Variants in TMEM131 observed in about 807,000 individuals in gnomAD.
TMEM131 encodes the protein transmembrane protein 131, also known as 2610524E03Rik.
In TMEM131, 66 loss-of-function variants were observed where a neutral mutation model predicts 211.6. The observed-to-expected ratio is 0.31, with a 90% CI of 0.26 to 0.38. The LOEUF (loss-of-function observed/expected upper bound fraction) is 0.38, where lower values mean the gene tolerates loss of function less well. TMEM131 is among the 10% of genes least tolerant of loss of function. TMEM131 has a pLI of 1.00. For synonymous variants in TMEM131, 844 were observed against 841.3 expected, an observed-to-expected ratio of 1.00 and a Z score of -0.06; for missense variants, 2,036 against 2,299.3, an observed-to-expected ratio of 0.89 and a Z score of 2.34.
rs1186318415 is a variant in TMEM131, at chr2:97,756,547, C to CTTAAG, written c.*547_*551dup. 6.6e-6 allele frequency: 1 copy of CTTAAG among 152,234 alleles called. No homozygotes were observed. Among genetic ancestry groups the CTTAAG allele is most frequent in the Non-Finnish European group, 1.5e-5 (1 of 68,070 alleles). 9.4% of individuals were successfully genotyped at this position (152,234 alleles called of 1,614,324 possible). ...AATGTTTTTACATTCATTCACCGTTCTTAAGTTGACTTACATTTCTGTAAT... is the reference window on the plus strand; with the variant it reads ...AATGTTTTTACATTCATTCACCGTTCTTAAGTTAAGTTGACTTACATTTCTGTAAT... On this transcript the variant is annotated 3_prime_UTR_variant, in exon 41 of 41. Coordinates refer to ENST00000186436, the MANE Select transcript of TMEM131 (RefSeq NM_015348.2).
At chr2:97,824,333 T>C (rs1483483594) in intron 11 of TMEM131, among the ~76,000 whole-genome samples, 1 of 152,182 alleles carries the variant, frequency 6.6e-6, no homozygotes, top group African/African-American at 2.4e-5. Flanking sequence ...TGGGTACGTT[T>C]AACCATTGAA....
chr2:97,815,010 T>C (rs1474760725), intron 13 of TMEM131, among the ~76,000 whole-genome samples, 189 bp downstream of exon 13: 1 of 152,166 alleles, frequency 6.6e-6, no homozygotes, highest in Admixed American at 6.5e-5. Context: ...CTTACCCTTT[T>C]CTTCTAAAAA....
At chr2:97,883,727 T>A (rs1439180421) in intron 4 of TMEM131, among the ~76,000 whole-genome samples, 1 of 152,204 alleles carries the variant, frequency 6.6e-6, no homozygotes, top group African/African-American at 2.4e-5. Flanking sequence ...ATAAGTGAAT[T>A]TAACAAATAT....
chr2:97,949,942 T>C (rs2104527603), intron 1 of TMEM131, among the ~76,000 whole-genome samples: 1 of 151,982 alleles, frequency 6.6e-6, no homozygotes, highest in East Asian at 1.9e-4. Context: ...ATCAACTACA[T>C]GAAGGCCTTA....
intron 4 of TMEM131, among the ~76,000 whole-genome samples, chr2:97,879,830 G>A (rs1231720162): frequency 6.6e-6 from 1 of 151,948 alleles, no homozygotes. Flanking sequence ...TATATTATCA[G>A]TAAGGCTTCT....
intron 1 of TMEM131, among the ~76,000 whole-genome samples, chr2:97,962,716 CAA>C (rs1423196406): frequency 1.3e-5 from 2 of 152,050 alleles, no homozygotes; most frequent in East Asian, 3.9e-4. Context: ...TATTTGTCCA[CAA>C]AAAAACTTTT....
intron 31 of TMEM131, among the ~76,000 whole-genome samples, chr2:97,789,353 T>C (rs1680394488): frequency 6.6e-6 from 1 of 152,236 alleles, no homozygotes; most frequent in African/African-American, 2.4e-5. Flanking sequence ...TAACAGATGC[T>C]TCTGCTGGGA....
At chr2:97,817,391 C>A (rs963681177) in intron 12 of TMEM131, among the ~76,000 whole-genome samples, 1 of 152,132 alleles carries the variant, frequency 6.6e-6, no homozygotes, top group African/African-American at 2.4e-5. Context: ...AGTTTGAGAC[C>A]AGCCTGGCCA....
intron 5 of TMEM131, among the ~76,000 whole-genome samples, chr2:97,849,913 C>T (rs1291013624): frequency 6.6e-6 from 1 of 151,766 alleles, no homozygotes; most frequent in East Asian, 1.9e-4. Flanking sequence ...TTTAAAACAA[C>T]AAAATCTTGA....
intron 31 of TMEM131, among the ~76,000 whole-genome samples, chr2:97,786,467 T>G (rs1226431564): frequency 6.6e-6 from 1 of 152,168 alleles, no homozygotes; most frequent in Non-Finnish European, 1.5e-5. Context: ...TCTGGGAGGC[T>G]GCACTGGGCT....
intron 1 of TMEM131, among the ~76,000 whole-genome samples, chr2:97,955,148 T>C (rs1461726937): frequency 6.6e-6 from 1 of 151,836 alleles, no homozygotes; most frequent in Non-Finnish European, 1.5e-5. Flanking sequence ...GCAGAATTTA[T>C]CCGAAATATG....
intron 1 of TMEM131, among the ~76,000 whole-genome samples, chr2:97,947,866 C>T (rs1047458669): frequency 3.9e-4 from 60 of 152,048 alleles, no homozygotes; most frequent in Admixed American, 3.2e-3. Context: ...ACAGAGACTC[C>T]AAAAGTAGAC....
At chr2:97,882,638 C>T (rs564966994) in intron 4 of TMEM131, among the ~76,000 whole-genome samples, 88 of 152,340 alleles carry the variant, frequency 5.8e-4, no homozygotes, top group African/African-American at 1.7e-3. Context: ...CTTACTGACT[C>T]CCTGGCCCTG....
chr2:97,917,602 C>T (rs10191101), intron 2 of TMEM131, among the ~76,000 whole-genome samples: 41,084 of 152,052 alleles, frequency 0.27, 6,068 homozygotes, highest in Middle Eastern at 0.36. Context: ...GGGCTTGGGA[C>T]GCCTCAGAAA....
At position 97,760,697 on chromosome 2, in the gene TMEM131, A is replaced by G; in HGVS notation, c.5012-8T>C. 6 of 1,613,994 alleles carry G rather than the reference A, an allele frequency of 3.7e-6. No individual in the cohort carries two copies. The highest frequency in any genetic ancestry group is 4.2e-6 in the Non-Finnish European group (5 of 1,179,884). On this transcript the variant is annotated splice_polypyrimidine_tract_variant and splice_region_variant and intron_variant, in intron 37 of 40. Transcript: ENST00000186436. Reference sequence around the variant, plus strand: ...TAGCAAAGCCATTCCCACCTGTAACAATGGACGTTCAATCAATGGAAGGCA... The same window carrying G: ...TAGCAAAGCCATTCCCACCTGTAACGATGGACGTTCAATCAATGGAAGGCA...
At chr2:97,776,241 A>G (rs1413771411) in intron 31 of TMEM131, among the ~76,000 whole-genome samples, 5 of 151,858 alleles carry the variant, frequency 3.3e-5, no homozygotes, top group Non-Finnish European at 7.4e-5. Flanking sequence ...TTTTTAGTAG[A>G]GACGGGGTTT....
chr2:97,912,723 G>A (rs955934119), intron 2 of TMEM131, among the ~76,000 whole-genome samples: 3 of 151,906 alleles, frequency 2.0e-5, no homozygotes, highest in Admixed American at 1.3e-4. Flanking sequence ...TTGGTCTTTC[G>A]GTACCTTCCC....
At position 97,761,253 on chromosome 2, in the gene TMEM131, G is replaced by A. The variant is rs576799166; in HGVS notation, c.4890-339C>T. 1.5e-4 allele frequency: 32 copies of A among 210,254 alleles called. No homozygotes were observed. In the South Asian group the frequency reaches 2.4e-3, roughly 16 times the overall value. 13.0% of individuals were successfully genotyped at this position (210,254 alleles called of 1,614,324 possible). On this transcript the variant is annotated intron_variant, in intron 36 of 40. Coordinates refer to ENST00000186436, the MANE Select transcript of TMEM131 (RefSeq NM_015348.2). ...AATGCAGAGGGCAGCCACCGACACC[G>A]GAAAGGGCGGGGCCTCAGGGAGTCT...
chr2:97,823,001 T>C (rs922563691), intron 11 of TMEM131, among the ~76,000 whole-genome samples: 10 of 152,150 alleles, frequency 6.6e-5, no homozygotes, highest in African/African-American at 2.2e-4. Context: ...TATAATACTA[T>C]CCTGCAGCTT....
Sources: gnomAD v4.1 joint callset for allele counts (sites outside exome capture counted in the v4.1 genomes callset) on GRCh38, gnomAD v4.1.1 for gene constraint, MANE v1.5 for transcripts, NCBI Gene and HGNC (gene_info 2026-07-23, HGNC 2026-07-21) for gene names.